SLC35F1: variants seen among roughly 807,000 people sequenced by gnomAD.
SLC35F1 encodes solute carrier family 35 member F1, also known as chromosome 6 open reading frame 169.
Under a neutral mutation model 48.7 loss-of-function variants are expected in SLC35F1, and 14 were observed. The ratio of observed to expected loss-of-function variants is 0.29; its 90% CI spans 0.19 to 0.45. The LOEUF (loss-of-function observed/expected upper bound fraction) is 0.45, where lower values mean the gene tolerates loss of function less well. Among genes scored for constraint, SLC35F1 ranks in the 20% least tolerant of loss-of-function variants. The pLI, the probability that SLC35F1 is intolerant of heterozygous loss-of-function variation, is 1.00. For missense variants in SLC35F1, 404 were observed against 500.0 expected (o/e 0.81, Z 1.83); for synonymous variants, 190 against 202.2 (o/e 0.94, Z 0.51).
chr6:118,156,471 C>A (rs899453506), intron 2 of SLC35F1, among the ~76,000 whole-genome samples: 2 of 151,796 alleles, frequency 1.3e-5, no homozygotes, highest in African/African-American at 4.8e-5. Flanking sequence ...GGGAATTGAA[C>A]AATGAGATCA....
chr6:118,255,921 G>C (rs1775637028), intron 3 of SLC35F1, among the ~76,000 whole-genome samples: 1 of 152,122 alleles, frequency 6.6e-6, no homozygotes, highest in Admixed American at 6.6e-5. Flanking sequence ...CTAAGGTATA[G>C]GGTTTGGAAG....
chr6:117,932,144 A>G (rs570133323), intron 1 of SLC35F1, among the ~76,000 whole-genome samples: 1 of 152,236 alleles, frequency 6.6e-6, no homozygotes, highest in East Asian at 1.9e-4. Context: ...CTGTGTGAGG[A>G]CGCAGCAAAA....
intron 1 of SLC35F1, among the ~76,000 whole-genome samples, chr6:118,115,475 A>G (rs1773465300): frequency 1.3e-5 from 2 of 152,170 alleles, no homozygotes; most frequent in Non-Finnish European, 2.9e-5. Flanking sequence ...TTTTCTTAGT[A>G]TTTTACAATA....
chr6:117,921,830 A>G (rs1361288), intron 1 of SLC35F1, among the ~76,000 whole-genome samples: 103,990 of 152,044 alleles, frequency 0.68, 36,677 homozygotes, highest in South Asian at 0.87. Flanking sequence ...CAGTGGATAT[A>G]AGATTGTTCA....
intron 1 of SLC35F1, among the ~76,000 whole-genome samples, chr6:117,987,658 A>G (rs912338977): frequency 9.9e-5 from 15 of 152,182 alleles, no homozygotes; most frequent in African/African-American, 3.6e-4. Context: ...GGTGGTGTAG[A>G]AAAGAAAGGG....
chr6:118,027,576 A>G (rs1300438688), intron 1 of SLC35F1, among the ~76,000 whole-genome samples: 1 of 152,044 alleles, frequency 6.6e-6, no homozygotes, highest in Non-Finnish European at 1.5e-5. Context: ...CTTATTGACC[A>G]TCTTTATCTC....
chr6:118,299,049 C>T (rs1776226402), intron 7 of SLC35F1, among the ~76,000 whole-genome samples: 1 of 151,978 alleles, frequency 6.6e-6, no homozygotes, highest in African/African-American at 2.4e-5. Flanking sequence ...GGCATGGTGG[C>T]ATGCACCTGT....
chr6:118,050,959 T>C (rs148264714), intron 1 of SLC35F1, among the ~76,000 whole-genome samples: 98 of 152,250 alleles, frequency 6.4e-4, no homozygotes, highest in Non-Finnish European at 1.2e-3. Flanking sequence ...TGGAACTGCA[T>C]GTTCTCCAGC....
intron 7 of SLC35F1, among the ~76,000 whole-genome samples, chr6:118,313,507 T>C (rs1776394524): frequency 6.6e-6 from 1 of 152,182 alleles, no homozygotes; most frequent in Non-Finnish European, 1.5e-5. Flanking sequence ...TGCAAAGATA[T>C]TTACCAAAGT....
intron 1 of SLC35F1, among the ~76,000 whole-genome samples, chr6:118,089,708 T>G (rs957109783): frequency 1.3e-4 from 20 of 152,212 alleles, no homozygotes; most frequent in African/African-American, 4.6e-4. Context: ...GGATCTATTT[T>G]CATGCCTTTA....
At chr6:118,156,546 G>C (rs990554896) in intron 2 of SLC35F1, among the ~76,000 whole-genome samples, 1 of 151,992 alleles carries the variant, frequency 6.6e-6, no homozygotes, top group African/African-American at 2.4e-5. Flanking sequence ...CTGGGGGAGG[G>C]ATAGCATTAG....
At chr6:118,019,621 CA>C (rs1158011956) in intron 1 of SLC35F1, among the ~76,000 whole-genome samples, 72 of 139,514 alleles carry the variant, frequency 5.2e-4, no homozygotes, top group African/African-American at 1.2e-3. Flanking sequence ...GACTTCGTCT[CA>C]AAAAAAAAAA....
chr6:118,121,643 C>T (rs1773554167), intron 1 of SLC35F1, among the ~76,000 whole-genome samples: 1 of 152,144 alleles, frequency 6.6e-6, no homozygotes, highest in Non-Finnish European at 1.5e-5. Flanking sequence ...GTATCCCTGC[C>T]ATTCCCTTAG....
intron 1 of SLC35F1, among the ~76,000 whole-genome samples, chr6:117,909,032 T>C (rs1373420791): frequency 1.3e-5 from 2 of 152,340 alleles, no homozygotes; most frequent in Admixed American, 6.5e-5. Flanking sequence ...AATTTAGTTA[T>C]ATCAAATCCC....
intron 1 of SLC35F1, among the ~76,000 whole-genome samples, chr6:117,918,551 AGTT>A (rs1359467507): frequency 2.0e-5 from 3 of 152,124 alleles, no homozygotes; most frequent in Non-Finnish European, 4.4e-5. Flanking sequence ...CAAAGATGCT[AGTT>A]GTTGGGGGAG....
intron 1 of SLC35F1, among the ~76,000 whole-genome samples, chr6:117,963,422 A>G (rs1000753362): frequency 3.3e-5 from 5 of 151,650 alleles, no homozygotes; most frequent in Admixed American, 2.0e-4. Flanking sequence ...TCAGAGTATC[A>G]CACATCACAT....
intron 2 of SLC35F1, among the ~76,000 whole-genome samples, chr6:118,195,000 C>T (rs1774782176): frequency 1.3e-5 from 2 of 152,196 alleles, no homozygotes; most frequent in South Asian, 4.1e-4. Context: ...ATTTTCCATT[C>T]CTGCCAGAGC....
chr6:118,091,332 G>T (rs1407706432), intron 1 of SLC35F1, among the ~76,000 whole-genome samples: 1 of 152,122 alleles, frequency 6.6e-6, no homozygotes, highest in Non-Finnish European at 1.5e-5. Flanking sequence ...TTGTGGGAGG[G>T]ACCCAGTTGG....
chr6:118,277,525 G>A lies in SLC35F1; in HGVS notation c.826G>A (p.Val276Met). 1 of 1,614,088 alleles carries A rather than the reference G, an allele frequency of 6.2e-7. No individual in the cohort carries two copies. The highest frequency in any genetic ancestry group is 8.5e-7 in the Non-Finnish European group (1 of 1,179,942). The part of the protein sequence containing the change: ...AIMEHKELLK[V>M]PWDWQIGLLY... The stretch of plus-strand genomic sequence containing the variant: ...AATGGAGCATAAGGAACTGTTGAAG[G>A]TGCCCTGGGACTGGCAAATAGGTAA... The change falls in exon 6 of 8, where the codon GTG (valine) becomes ATG (methionine). Residue 276 changes from valine to methionine, a missense_variant. Val to Met is a conservative substitution (Grantham distance 21). Transcript: ENST00000360388.
Sources: gnomAD v4.1 joint callset for allele counts (sites outside exome capture counted in the v4.1 genomes callset) on GRCh38, gnomAD v4.1.1 for gene constraint, MANE v1.5 for transcripts, NCBI Gene and HGNC (gene_info 2026-07-23, HGNC 2026-07-21) for gene names.